Variants in LRRC4C observed in about 807,000 individuals in gnomAD.
LRRC4C encodes leucine-rich repeat-containing protein 4C.
LRRC4C carries 5 observed loss-of-function variants against 33.6 expected under a neutral mutation model. The observed-to-expected ratio is 0.15, with a 90% CI of 0.08 to 0.31. The LOEUF is 0.31. Among genes scored for constraint, LRRC4C ranks in the 10% least tolerant of loss-of-function variants. The pLI, the probability that LRRC4C is intolerant of heterozygous loss-of-function variation, is 1.00. For synonymous variants in LRRC4C, 329 were observed against 302.0 expected, an observed-to-expected ratio of 1.09 and a Z score of -0.93; for missense variants, 560 against 796.7, an observed-to-expected ratio of 0.70 and a Z score of 3.58.
chr11:41,331,734 G>T (rs57571360), intron 1 of LRRC4C, among the ~76,000 whole-genome samples: 27,286 of 152,092 alleles, frequency 0.18, 2,862 homozygotes, highest in East Asian at 0.45. Context: ...GCACTTGACA[G>T]TGAAGTCAAA....
intron 1 of LRRC4C, among the ~76,000 whole-genome samples, chr11:41,226,804 C>G (rs1947561664): frequency 6.7e-6 from 1 of 149,888 alleles, no homozygotes; most frequent in Non-Finnish European, 1.5e-5. Flanking sequence ...AGTCACTGAC[C>G]TATTTCCCTC....
chr11:41,385,255 G>A (rs1393391186), intron 1 of LRRC4C, among the ~76,000 whole-genome samples: 1 of 151,344 alleles, frequency 6.6e-6, no homozygotes, highest in Admixed American at 6.6e-5. Context: ...TGATAAACTT[G>A]CTTTAATGAA....
At chr11:40,166,232 G>T (rs2135395343) in intron 5 of LRRC4C, among the ~76,000 whole-genome samples, 1 of 152,244 alleles carries the variant, frequency 6.6e-6, no homozygotes, top group East Asian at 1.9e-4. Context: ...CCCATTCAAT[G>T]AACAGATACA....
rs947473865 is a variant in LRRC4C, at chr11:40,648,854, G to A, written c.-406-576C>T. Among the ~76,000 whole-genome samples the A allele has an allele frequency of 2.2e-4, 33 of 152,150 alleles. 1 individual carries two copies. The highest frequency in any genetic ancestry group is 2.9e-5 in the Non-Finnish European group (2 of 68,020). On this transcript the variant is annotated intron_variant, in intron 2 of 6. Transcript: ENST00000528697. ...GCCAGCTGAGAAATAAAGAGAAAGA[G>A]TACAAAGAGAGGAATTTCACACCTG...
chr11:40,418,058 A>G (rs1022696581), intron 3 of LRRC4C, among the ~76,000 whole-genome samples: 7 of 152,172 alleles, frequency 4.6e-5, no homozygotes, highest in Non-Finnish European at 8.8e-5. Flanking sequence ...AACTTCCTAC[A>G]CAAAACAAAG....
chr11:41,209,603 C>T (rs926969022), intron 1 of LRRC4C, among the ~76,000 whole-genome samples: 1 of 150,874 alleles, frequency 6.6e-6, no homozygotes, highest in Admixed American at 6.6e-5. Context: ...TGAGATTGCA[C>T]CACTGCACTC....
intron 3 of LRRC4C, among the ~76,000 whole-genome samples, chr11:40,469,335 T>C (rs114969830): frequency 0.14 from 21,372 of 152,092 alleles, 1,577 homozygotes; most frequent in Non-Finnish European, 0.15. Flanking sequence ...CCGTGAGGAA[T>C]GGTGATATCC....
rs1366878088 is a variant in LRRC4C at position 41,345,132 on chromosome 11, T to C, written c.-496+114299A>G. ...TCTGGTGAAATAAGCTATGTTTTCA[T>C]GAAAAGATGGCTGATTTGACAGTTG... is the stretch of plus-strand genomic sequence containing the variant. On this transcript the variant is annotated intron_variant, in intron 1 of 6. Transcript: ENST00000528697. Among the ~76,000 whole-genome samples, 5 of 152,342 alleles carry C rather than the reference T, an allele frequency of 3.3e-5. No homozygotes were observed. In the East Asian group the frequency reaches 9.6e-4, roughly 29 times the overall value.
chr11:41,260,322 G>A (rs1948939158), intron 1 of LRRC4C, among the ~76,000 whole-genome samples: 1 of 152,022 alleles, frequency 6.6e-6, no homozygotes, highest in South Asian at 2.1e-4. Flanking sequence ...TGTGAAGGAA[G>A]CTTTAAAGAC....
At chr11:41,103,252 A>T (rs1032748002) in intron 1 of LRRC4C, among the ~76,000 whole-genome samples, 5 of 151,936 alleles carry the variant, frequency 3.3e-5, no homozygotes, top group Admixed American at 6.6e-5. Flanking sequence ...AGCTTAAAAA[A>T]ATTAGCACTA....
intron 2 of LRRC4C, among the ~76,000 whole-genome samples, chr11:40,811,801 G>T (rs1951501962): frequency 6.6e-6 from 1 of 152,086 alleles, no homozygotes; most frequent in South Asian, 2.1e-4. Flanking sequence ...CGGCCAAATG[G>T]CATCTACTTT....
At chr11:41,380,606 A>G (rs375452901) in intron 1 of LRRC4C, among the ~76,000 whole-genome samples, 3 of 152,182 alleles carry the variant, frequency 2.0e-5, no homozygotes. Flanking sequence ...AGAAACACCT[A>G]TTAAAATGTA....
chr11:41,170,452 A>G (rs181625932), intron 1 of LRRC4C, among the ~76,000 whole-genome samples: 108 of 152,310 alleles, frequency 7.1e-4, no homozygotes, highest in African/African-American at 2.4e-3. Flanking sequence ...ATAATGCCAC[A>G]TATCTACAAC....
chr11:41,304,139 A>T (rs373875504), intron 1 of LRRC4C, among the ~76,000 whole-genome samples: 197 of 30,642 alleles, frequency 6.4e-3, no homozygotes, highest in East Asian at 0.021. Flanking sequence ...GGAGCCCCTC[A>T]GCCCGGCCAG....
At chr11:41,363,115 G>C (rs984742171) in intron 1 of LRRC4C, among the ~76,000 whole-genome samples, 1 of 152,120 alleles carries the variant, frequency 6.6e-6, no homozygotes, top group African/African-American at 2.4e-5. Context: ...TAGCCAACTT[G>C]ACAGTAAAAC....
chr11:40,178,320 G>A (rs1860689444), intron 5 of LRRC4C, among the ~76,000 whole-genome samples: 1 of 152,180 alleles, frequency 6.6e-6, no homozygotes, highest in Non-Finnish European at 1.5e-5. Flanking sequence ...AAATGAACGA[G>A]CAGTTCTGAA....
chr11:41,130,679 C>T (rs1476466834), intron 1 of LRRC4C, among the ~76,000 whole-genome samples: 1 of 151,836 alleles, frequency 6.6e-6, no homozygotes, highest in African/African-American at 2.4e-5. Context: ...ATTCATTTGC[C>T]AATTGTTTCA....
intron 1 of LRRC4C, among the ~76,000 whole-genome samples, chr11:41,077,272 T>A (rs1939222831): frequency 6.6e-6 from 1 of 152,194 alleles, no homozygotes. Context: ...GGAGACTCTG[T>A]GTGGGGGCTC....
At chr11:40,909,175 T>TG (rs2048890551) in intron 2 of LRRC4C, among the ~76,000 whole-genome samples, 1 of 152,130 alleles carries the variant, frequency 6.6e-6, no homozygotes, top group Non-Finnish European at 1.5e-5. Context: ...CCTGCTTACA[T>TG]GAGGAATTTT....
Sources: gnomAD v4.1 joint callset for allele counts (sites outside exome capture counted in the v4.1 genomes callset) on GRCh38, gnomAD v4.1.1 for gene constraint, MANE v1.5 for transcripts, NCBI Gene and HGNC (gene_info 2026-07-23, HGNC 2026-07-21) for gene names.